ERC2: variants seen among roughly 807,000 people sequenced by gnomAD.
ERC2 encodes the protein ERC protein 2.
ERC2 carries 42 observed loss-of-function variants against 114.8 expected under a neutral mutation model. The ratio of observed to expected loss-of-function variants is 0.37; its 90% confidence interval spans 0.29 to 0.47. The LOEUF (loss-of-function observed/expected upper bound fraction) is 0.47. Among genes scored for constraint, ERC2 ranks in the 20% least tolerant of loss-of-function variants. The probability of loss-of-function intolerance (pLI) is 0.99; values close to 1 mark genes in which losing one functional copy is unlikely to be tolerated. For synonymous variants in ERC2, 454 were observed against 425.5 expected (o/e 1.07, Z -0.82); for missense variants, 939 against 1,150.7 (o/e 0.82, Z 2.66).
chr3:55,924,024 G>A (rs1465850142), intron 13 of ERC2, among the ~76,000 whole-genome samples: 2 of 152,072 alleles, frequency 1.3e-5, no homozygotes, highest in African/African-American at 4.8e-5. Context: ...TTAAGCTGGG[G>A]ACACAATATT....
intron 3 of ERC2, among the ~76,000 whole-genome samples, chr3:56,268,636 ATTGT>A (rs1057137331): frequency 2.0e-5 from 3 of 152,184 alleles, no homozygotes; most frequent in African/African-American, 7.2e-5. Flanking sequence ...ATGTGTTATA[ATTGT>A]TTAATTTGTT....
Position 55,589,231 on chromosome 3 carries a change from A to AG in ERC2, c.*40-77956_*40-77955insC, listed in dbSNP as rs199933814. On this transcript the variant is annotated intron_variant, in intron 17 of 17. Coordinates refer to ENST00000288221, the MANE Select transcript of ERC2 (RefSeq NM_015576.3). Reference sequence around the variant, plus strand: ...AGTCACTACCAAAAAAAAAAAAAAAAAAAGAGAGAGAGAGAAGGAGGTAAA... The same window carrying AG: ...AGTCACTACCAAAAAAAAAAAAAAAAGAAAGAGAGAGAGAGAAGGAGGTAAA... Among the ~76,000 whole-genome samples the AG allele has an allele frequency of 4.6e-3, 689 of 149,586 alleles. 10 individuals carry two copies. The highest frequency in any genetic ancestry group is 0.03 in the Admixed American group (449 of 14,966).
intron 14 of ERC2, among the ~76,000 whole-genome samples, chr3:55,821,700 C>T (rs2060130528): frequency 1.3e-5 from 2 of 152,222 alleles, no homozygotes; most frequent in South Asian, 4.1e-4. Flanking sequence ...ATTCAGTCCT[C>T]ATGATGAACT....
At chr3:56,322,362 C>T (rs1256332617) in intron 2 of ERC2, among the ~76,000 whole-genome samples, 1 of 152,190 alleles carries the variant, frequency 6.6e-6, no homozygotes, top group Non-Finnish European at 1.5e-5. Context: ...ATTTTGCCAC[C>T]ACTTGCATCA....
chr3:55,670,056 G>A (rs558856114), intron 17 of ERC2, among the ~76,000 whole-genome samples: 25 of 152,156 alleles, frequency 1.6e-4, no homozygotes, highest in African/African-American at 2.9e-4. Flanking sequence ...CACTGAGCTC[G>A]CATTTTACAC....
intron 17 of ERC2, among the ~76,000 whole-genome samples, chr3:55,623,635 C>T (rs2148604157): frequency 6.6e-6 from 1 of 152,246 alleles, no homozygotes; most frequent in East Asian, 1.9e-4. Flanking sequence ...TTATCTATTC[C>T]TAACTGTCCT....
chr3:55,529,202 A>G (rs1263537441), intron 17 of ERC2, among the ~76,000 whole-genome samples: 2 of 152,186 alleles, frequency 1.3e-5, no homozygotes, highest in Non-Finnish European at 2.9e-5. Context: ...AATCTGCCAA[A>G]TCTTAACCAT....
At chr3:55,627,883 C>CTTTT (rs10714648) in intron 17 of ERC2, among the ~76,000 whole-genome samples, 10 of 82,560 alleles carry the variant, frequency 1.2e-4, no homozygotes, top group African/African-American at 2.9e-4. Context: ...GGACTTGGTG[C>CTTTT]TTTTTTTTTT....
chr3:56,050,092 G>T (rs1403177986), intron 7 of ERC2, among the ~76,000 whole-genome samples: 7 of 152,148 alleles, frequency 4.6e-5, no homozygotes, highest in Non-Finnish European at 5.9e-5. Flanking sequence ...GAATTCTAGA[G>T]GATGATGAAA....
intron 1 of ERC2, among the ~76,000 whole-genome samples, chr3:56,456,430 A>T (rs1442492025): frequency 6.6e-6 from 1 of 152,228 alleles, no homozygotes; most frequent in Admixed American, 6.5e-5. Context: ...AAAGCTGAAC[A>T]AACAAAACTT....
chr3:56,265,186 C>A (rs1266187083), intron 3 of ERC2, among the ~76,000 whole-genome samples: 1 of 152,182 alleles, frequency 6.6e-6, no homozygotes, highest in Non-Finnish European at 1.5e-5. Flanking sequence ...AGGCATCACA[C>A]TCCCTGACTT....
At chr3:56,405,790 A>G (rs976062802) in intron 2 of ERC2, among the ~76,000 whole-genome samples, 4 of 152,068 alleles carry the variant, frequency 2.6e-5, no homozygotes, top group African/African-American at 7.2e-5. Flanking sequence ...TCTTTTATCA[A>G]TATTTAACAT....
intron 13 of ERC2, among the ~76,000 whole-genome samples, chr3:55,916,289 A>G (rs1042386067): frequency 3.9e-5 from 6 of 152,182 alleles, no homozygotes; most frequent in African/African-American, 1.4e-4. Context: ...AGGTTTTTGG[A>G]AAGATTTACT....
At chr3:55,631,543 T>C (rs1346684513) in intron 17 of ERC2, among the ~76,000 whole-genome samples, 2 of 152,208 alleles carry the variant, frequency 1.3e-5, no homozygotes, top group Non-Finnish European at 2.9e-5. Context: ...GCCAACTAAA[T>C]GGACCATCTT....
intron 14 of ERC2, among the ~76,000 whole-genome samples, chr3:55,764,514 G>A (rs2067648624): frequency 6.6e-6 from 1 of 152,194 alleles, no homozygotes; most frequent in Admixed American, 6.5e-5. Flanking sequence ...TTGGCTGAAT[G>A]ACTACACAAA....
At chr3:55,738,210 T>G (rs1190890531) in intron 14 of ERC2, among the ~76,000 whole-genome samples, 2 of 152,074 alleles carry the variant, frequency 1.3e-5, no homozygotes, top group East Asian at 3.9e-4. Context: ...CCTTCATAGT[T>G]TTCGACATAC....
intron 13 of ERC2, among the ~76,000 whole-genome samples, chr3:55,901,889 A>T (rs2064154225): frequency 6.6e-6 from 1 of 152,266 alleles, no homozygotes; most frequent in South Asian, 2.1e-4. Flanking sequence ...GTGAAGCAAC[A>T]TTCGAATCAG....
intron 14 of ERC2, among the ~76,000 whole-genome samples, chr3:55,775,012 A>G (rs1399365336): frequency 6.6e-6 from 1 of 152,156 alleles, no homozygotes; most frequent in East Asian, 1.9e-4. Context: ...TTTTAATTCA[A>G]TGGACATTTT....
At chr3:55,945,940 T>G (rs1287984976) in intron 13 of ERC2, among the ~76,000 whole-genome samples, 7 of 152,104 alleles carry the variant, frequency 4.6e-5, no homozygotes. Flanking sequence ...GCTTGTACAT[T>G]TTTTAGAAAG....
Sources: allele counts gnomAD v4.1 joint callset (sites outside exome capture counted in the v4.1 genomes callset), GRCh38; gene constraint gnomAD v4.1.1; transcripts MANE v1.5; gene names NCBI Gene and HGNC (gene_info 2026-07-23, HGNC 2026-07-21).